Variants in GGA1 observed in about 807,000 individuals in gnomAD.
The protein encoded by GGA1 is ADP-ribosylation factor-binding protein GGA1.
Under a neutral mutation model 76.9 loss-of-function variants are expected in GGA1, and 18 were observed. That is an observed-to-expected ratio of 0.23 (90% CI 0.16 to 0.35). The LOEUF is 0.35. GGA1 is among the 10% of genes least tolerant of loss of function. The probability of loss-of-function intolerance (pLI) is 1.00; values close to 1 mark genes in which losing one functional copy is unlikely to be tolerated. For synonymous variants in GGA1, 342 were observed against 354.7 expected (o/e 0.96, Z 0.40); for missense variants, 755 against 859.0 (o/e 0.88, Z 1.51).
chr22:37,610,881 T>G (rs985154768), intron 1 of GGA1, among the ~76,000 whole-genome samples: 1 of 152,216 alleles, frequency 6.6e-6, no homozygotes, highest in Non-Finnish European at 1.5e-5. Context: ...TCAGATCTCC[T>G]TGGATCTGGA....
Position 37,620,858 on chromosome 22 carries a change from C to A in GGA1, c.473C>A (p.Pro158His), listed in dbSNP as rs755575938. 2.5e-6 allele frequency: 4 copies of A among 1,612,914 alleles called. No homozygotes were observed. Among genetic ancestry groups the A allele is most frequent in the Non-Finnish European group, 3.4e-6 (4 of 1,178,970 alleles). Reference sequence around the variant, plus strand: ...AAGCTTCCAGATGACACTACCTTTCCCCTTCCTCCTCCACGGCCGAAGAAT... The same window carrying A: ...AAGCTTCCAGATGACACTACCTTTCACCTTCCTCCTCCACGGCCGAAGAAT... Reference protein sequence around the residue: ...DPKLPDDTTFPLPPPRPKNVI... With the variant: ...DPKLPDDTTFHLPPPRPKNVI... The change falls in exon 6 of 17, where the codon CCC becomes CAC. Residue 158 changes from proline to histidine, a missense_variant. Physicochemically the swap from Pro to His is moderately conservative, Grantham distance 77 (BLOSUM62 -2). Coordinates refer to ENST00000343632, the MANE Select transcript of GGA1 (RefSeq NM_013365.5).
chr22:37,614,162 CA>C, intron 1 of GGA1, 27 bp from the exon 2 acceptor site: 1 of 1,526,044 alleles, frequency 6.6e-7, no homozygotes, highest in Non-Finnish European at 9.1e-7. Flanking sequence ...ACTGCCGGGC[CA>C]CAATGACCCC....
intron 11 of GGA1, 137 bp downstream of exon 11, chr22:37,626,086 C>G (rs1281861467): frequency 5.4e-6 from 3 of 558,624 alleles, no homozygotes; most frequent in Non-Finnish European, 8.5e-6. Context: ...ATTAGGCCCA[C>G]TTCACAACTG....
intron 1 of GGA1, among the ~76,000 whole-genome samples, chr22:37,613,606 A>G (rs1928168964): frequency 6.6e-6 from 1 of 151,772 alleles, no homozygotes; most frequent in Non-Finnish European, 1.5e-5. Flanking sequence ...TCATCGTGTT[A>G]GCTAGGATGG....
intron 14 of GGA1, 27 bp from the exon 15 acceptor site, chr22:37,631,969 C>G: frequency 6.3e-7 from 1 of 1,583,398 alleles, no homozygotes; most frequent in Non-Finnish European, 8.6e-7. Context: ...CTCAGCTGTC[C>G]CATCGCCCTC....
rs1930415919 is a variant in GGA1 at position 37,624,306 on chromosome 22, G to A, written c.833-663G>A. 6.5e-6 allele frequency: 1 copy of A among 154,240 alleles called. No homozygotes were observed. The highest frequency in any genetic ancestry group is 2.4e-5 in the African/African-American group (1 of 41,440). The allele number at this position is 154,240 out of a possible 1,614,324, so 9.6% of individuals were successfully genotyped here. A position where few individuals can be genotyped will look rare whatever the true frequency, so the allele number is the denominator to read the frequency against. ...CCTCAGGGATCTGGCACTGATCAAA[G>A]TTTGCAAAACGCCGGGTGCAGTGGT... is the stretch of plus-strand genomic sequence containing the variant. On this transcript the variant is annotated intron_variant, in intron 9 of 16. Transcript: ENST00000343632. The surrounding 1 kb of genome is among the most constrained non-coding windows in gnomAD (Gnocchi z 4.3).
At position 37,632,592 on chromosome 22, in the gene GGA1, C is replaced by G. The variant is rs376089858; in HGVS notation, c.1810-9C>G. The G allele has an allele frequency of 5.0e-6, 8 of 1,606,406 alleles. No individual in the cohort carries two copies. In the Admixed American group the frequency reaches 6.7e-5, roughly 13 times the overall value. ...TCTGACCCCTCTGCCTTTGCCATCT[C>G]TTCCCCAGGAGAAGGTTCGCCTCCG... On this transcript the variant is annotated splice_polypyrimidine_tract_variant and intron_variant, in intron 16 of 16. Coordinates refer to ENST00000343632, the MANE Select transcript of GGA1 (RefSeq NM_013365.5). This position sits in a 1 kb window ranked among gnomAD's most constrained non-coding sequence, Gnocchi z 5.1.
rs777116099 is a variant in GGA1 at position 37,623,520 on chromosome 22, G to A, written c.751-32G>A. 29 of 1,612,690 alleles carry A rather than the reference G, an allele frequency of 1.8e-5. 1 individual carries two copies. In the Admixed American group the frequency reaches 2.0e-4, roughly 11 times the overall value. The stretch of plus-strand genomic sequence containing the variant: ...TCCCTGCCCACTCCACAGCCCACGC[G>A]GACCCTGACCCGCCCATCCTGCTGC... On this transcript the variant is annotated intron_variant, in intron 8 of 16. Coordinates refer to ENST00000343632, the MANE Select transcript of GGA1 (RefSeq NM_013365.5). The surrounding 1 kb of genome is among the most constrained non-coding windows in gnomAD (Gnocchi z 4.6).
chr22:37,629,499 G>T lies in GGA1; in HGVS notation c.1131G>T (p.Leu377=), dbSNP rs746467697. ...CCACACCCCCTTCAGGCCCAAGCCT[G>T]GATGGTACCGGATGGAACAGCTTCC... ...SDPTPPSGPS[L]DGTGWNSFQS... Residue 377 remains leucine (L), a synonymous_variant, in exon 12 of 17, where the codon CTG becomes CTT. Transcript: ENST00000343632. 3 of 1,583,784 alleles carry T rather than the reference G, an allele frequency of 1.9e-6. No homozygotes were observed. The South Asian group carries it at 3.5e-5, about 18-fold the overall frequency.
At chr22:37,617,145 A>G in intron 3 of GGA1, 148 bp downstream of exon 3, 2 of 1,490,490 alleles carry the variant, frequency 1.3e-6, no homozygotes, top group African/African-American at 1.4e-5. Flanking sequence ...GGCCTGCCCC[A>G]AGGGTCCCAC....
chr22:37,609,208 G>T (rs1384897364), intron 1 of GGA1: 25 of 1,287,702 alleles, frequency 1.9e-5, no homozygotes, highest in African/African-American at 4.8e-5. Flanking sequence ...AACCCCCAAG[G>T]CTCACATTGC....
chr22:37,608,849 G>T lies in GGA1; in HGVS notation c.-12G>T. 2 of 1,308,864 alleles carry T rather than the reference G, an allele frequency of 1.5e-6. No homozygotes were observed. The highest frequency in any genetic ancestry group is 2.2e-5 in the South Asian group (1 of 44,512). The allele number at this position is 1,308,864 out of a possible 1,614,324, so 81.1% of individuals were successfully genotyped here. ...GCGGGGGGGCGGTGCCGAGGCTGGGGGCCGGTGGCGGATGGAGCCCGCGAT... is the reference window on the plus strand; with the variant it reads ...GCGGGGGGGCGGTGCCGAGGCTGGGTGCCGGTGGCGGATGGAGCCCGCGAT... On this transcript the variant is annotated 5_prime_UTR_variant, in exon 1 of 17. Transcript: ENST00000343632.
At position 37,631,996 on chromosome 22, in the gene GGA1, G is replaced by C. The variant is rs1931885353; in HGVS notation, c.1529G>C (p.Ser510Thr). Residue 510 changes from serine (S) to threonine (T), a missense_variant and splice_region_variant, in exon 15 of 17, where the codon AGC becomes ACC. Ser to Thr is a moderately conservative substitution (Grantham distance 58). Transcript: ENST00000343632. ...ITVPLESIKP[S>T]NILPVTVYDQ... The stretch of plus-strand genomic sequence containing the variant: ...ATCGCCCTCCCACCTTCTCCCACAG[G>C]CAACATCCTGCCCGTGACTGTGTAT... 1 of 1,604,556 alleles carries C rather than the reference G, an allele frequency of 6.2e-7. No homozygotes were observed. Among genetic ancestry groups the C allele is most frequent in the Non-Finnish European group, 8.5e-7 (1 of 1,174,252 alleles).
chr22:37,614,342 C>T, intron 2 of GGA1, 68 bp downstream of exon 2: 13 of 1,120,800 alleles, frequency 1.2e-5, no homozygotes, highest in Non-Finnish European at 1.8e-5. Flanking sequence ...GGTACAATGG[C>T]CTGGGTGGGT....
rs774375289 is a variant in GGA1, at chr22:37,616,981, C to G, written c.188C>G (p.Ala63Gly). ...ATCCAGTCCCCACAGGAGTGGGAGG[C>G]GATCCAGGCCTTGACGGTGAGAAGG... ...HKIQSPQEWE[A>G]IQALTVLETC... The change falls in exon 3 of 17, where the codon GCG (alanine) becomes GGG (glycine). Residue 63 changes from alanine (A) to glycine (G), a missense_variant. Ala to Gly is a moderately conservative substitution (Grantham distance 60). Coordinates refer to ENST00000343632, the MANE Select transcript of GGA1 (RefSeq NM_013365.5). 3 of 1,607,306 alleles carry G rather than the reference C, an allele frequency of 1.9e-6. No individual in the cohort carries two copies.
At chr22:37,616,243 C>T (rs181881292) in intron 2 of GGA1, among the ~76,000 whole-genome samples, 35 of 152,306 alleles carry the variant, frequency 2.3e-4, no homozygotes, top group Non-Finnish European at 2.1e-4. Context: ...GGTACGAGTC[C>T]TGTCCCCTCT....
At chr22:37,627,282 CGTT>C (rs1472142333) in intron 11 of GGA1, 3 of 152,350 alleles carry the variant, frequency 2.0e-5, no homozygotes, top group African/African-American at 7.2e-5. Flanking sequence ...TGCTCTGACT[CGTT>C]GTTCATAAGC....
At chr22:37,631,712 C>T (rs576571910) in intron 14 of GGA1, among the ~76,000 whole-genome samples, 1 of 152,342 alleles carries the variant, frequency 6.6e-6, no homozygotes, top group Non-Finnish European at 1.5e-5. Context: ...CCCCAGCACT[C>T]CAGGCAGCAG....
chr22:37,632,108 G>T lies in GGA1; in HGVS notation c.1641G>T (p.Met547Ile). The T allele has an allele frequency of 6.2e-7, 1 of 1,613,758 alleles. No individual in the cohort carries two copies. Among genetic ancestry groups the T allele is most frequent in the Non-Finnish European group, 8.5e-7 (1 of 1,179,970 alleles). The change falls in exon 15 of 17, where the codon ATG becomes ATT. Residue 547 changes from methionine to isoleucine, a missense_variant. By Grantham distance (10) the Met-to-Ile change is conservative. Transcript: ENST00000343632. The surrounding 1 kb of genome is among the most constrained non-coding windows in gnomAD (Gnocchi z 5.1). ...RSDVLVVVVS[M>I]LSTAPQPIRN... The stretch of plus-strand genomic sequence containing the variant: ...ACGTGCTGGTGGTGGTGGTTTCCAT[G>T]CTGAGCACCGCCCCCCAGCCCATCC...
Sources: allele counts gnomAD v4.1 joint callset (sites outside exome capture counted in the v4.1 genomes callset), GRCh38; gene constraint gnomAD v4.1.1; non-coding constraint Gnocchi (gnomAD v3.1); transcripts MANE v1.5; gene names NCBI Gene and HGNC (gene_info 2026-07-23, HGNC 2026-07-21).